The following SLC38A9 variants were observed in gnomAD, a reference collection of about 807,000 sequenced individuals.
The protein encoded by SLC38A9 is neutral amino acid transporter 9.
A neutral mutation model predicts 62.3 loss-of-function variants in SLC38A9; 48 were observed. The ratio of observed to expected loss-of-function variants is 0.77; its 90% CI spans 0.61 to 0.98. The LOEUF (loss-of-function observed/expected upper bound fraction) is 0.98. Ranked by LOEUF, SLC38A9 falls within the 50% of genes least tolerant of loss-of-function variation. SLC38A9 has a pLI of 0.00. For missense variants in SLC38A9, 541 were observed against 679.8 expected, an observed-to-expected ratio of 0.80 and a Z score of 2.27; for synonymous variants, 204 against 227.7, an observed-to-expected ratio of 0.90 and a Z score of 0.94.
intron 2 of SLC38A9, chr5:55,702,881 T>C (rs1756843320): frequency 6.6e-6 from 1 of 152,168 alleles, no homozygotes; most frequent in Admixed American, 6.5e-5. Flanking sequence ...AAAGCTCTCA[T>C]TAGCTTAGTC....
At chr5:55,692,463 C>A (rs1429923163) in intron 3 of SLC38A9, 1 of 199,722 alleles carries the variant, frequency 5.0e-6, no homozygotes, top group African/African-American at 2.4e-5. Flanking sequence ...ACAGAAATAA[C>A]AATGTTTGAA....
At chr5:55,635,407 C>G (rs1274022739) in intron 13 of SLC38A9, 137 bp downstream of exon 13, 1 of 708,992 alleles carries the variant, frequency 1.4e-6, no homozygotes, top group Admixed American at 2.1e-5. Context: ...CCTAAATTCC[C>G]ATACTTGGAG....
intron 2 of SLC38A9, among the ~76,000 whole-genome samples, chr5:55,706,053 T>C (rs11956514): frequency 0.65 from 98,795 of 151,930 alleles, 32,346 homozygotes; most frequent in South Asian, 0.73. Flanking sequence ...ATGAGTGAAA[T>C]TTCATGCCTG....
intron 12 of SLC38A9, among the ~76,000 whole-genome samples, chr5:55,637,633 G>A (rs73123884): frequency 0.049 from 7,447 of 152,178 alleles, 312 homozygotes; most frequent in African/African-American, 0.12. Flanking sequence ...CCAGGACCAC[G>A]CCTGGTACAT....
intron 9 of SLC38A9, among the ~76,000 whole-genome samples, chr5:55,653,378 T>C (rs1050702657): frequency 2.6e-5 from 4 of 152,144 alleles, no homozygotes; most frequent in South Asian, 2.1e-4. Context: ...TGGTCTTATT[T>C]ACACAATAAT....
chr5:55,629,253 C>T (rs760257538), intron 14 of SLC38A9, among the ~76,000 whole-genome samples: 20 of 151,946 alleles, frequency 1.3e-4, no homozygotes, highest in Non-Finnish European at 2.6e-4. Flanking sequence ...GCTCTGTCAT[C>T]CAGGCTGCAG....
intron 2 of SLC38A9, among the ~76,000 whole-genome samples, chr5:55,710,672 G>T (rs1200998819): frequency 1.3e-5 from 2 of 151,856 alleles, no homozygotes; most frequent in African/African-American, 2.4e-5. Context: ...CTGGAGTGCG[G>T]TGGCACGATC....
rs1758037688 is a variant in SLC38A9, at chr5:55,711,473, C to T, written c.-56G>A. 1 of 152,176 alleles carries T rather than the reference C, an allele frequency of 6.6e-6. No homozygotes were observed. Among genetic ancestry groups the T allele is most frequent in the African/African-American group, 2.4e-5 (1 of 41,392 alleles). The allele number at this position is 152,176 out of a possible 1,614,324, so 9.4% of individuals were successfully genotyped here. ...TTACCTGGTGTTGAGTAGGTTTCTC[C>T]AACTCGGTGGACCTCAGTTTCCTTC... On this transcript the variant is annotated 5_prime_UTR_variant, in exon 2 of 16. Coordinates refer to ENST00000396865, the MANE Select transcript of SLC38A9 (RefSeq NM_173514.4).
At chr5:55,644,295 T>C (rs1190489858) in intron 12 of SLC38A9, among the ~76,000 whole-genome samples, 3 of 152,190 alleles carry the variant, frequency 2.0e-5, no homozygotes, top group Non-Finnish European at 4.4e-5. Flanking sequence ...TCTTTTAATG[T>C]AATTATCAAT....
At chr5:55,651,127 A>G (rs1747341906) in intron 10 of SLC38A9, among the ~76,000 whole-genome samples, 1 of 151,868 alleles carries the variant, frequency 6.6e-6, no homozygotes, top group Non-Finnish European at 1.5e-5. Context: ...GCCAGAGATC[A>G]CATCCACAGG....
chr5:55,660,521 A>G (rs141893961), intron 8 of SLC38A9, among the ~76,000 whole-genome samples: 12 of 152,348 alleles, frequency 7.9e-5, no homozygotes, highest in East Asian at 1.9e-4. Context: ...GAAATGTTCT[A>G]TTTCTTGAAG....
intron 12 of SLC38A9, among the ~76,000 whole-genome samples, chr5:55,643,861 G>A (rs1459670463): frequency 6.6e-6 from 1 of 152,050 alleles, no homozygotes; most frequent in Non-Finnish European, 1.5e-5. Flanking sequence ...GCTTTCTTAT[G>A]TTTAATATTT....
intron 12 of SLC38A9, among the ~76,000 whole-genome samples, chr5:55,636,823 A>G (rs955280475): frequency 6.6e-6 from 1 of 152,150 alleles, no homozygotes; most frequent in Non-Finnish European, 1.5e-5. Flanking sequence ...AAGCCCATGG[A>G]GCTAAAGGCT....
At chr5:55,635,768 A>G in intron 12 of SLC38A9, 111 bp from the exon 13 acceptor site, 1 of 661,446 alleles carries the variant, frequency 1.5e-6, no homozygotes, top group South Asian at 1.9e-5. Flanking sequence ...TTTACCTTGT[A>G]CATGTGTGTA....
chr5:55,653,529 C>T (rs184228025), intron 9 of SLC38A9, among the ~76,000 whole-genome samples: 5 of 152,292 alleles, frequency 3.3e-5, no homozygotes, highest in African/African-American at 1.2e-4. Context: ...GCCATGATAT[C>T]ATAATCACTG....
At chr5:55,658,803 T>C (rs766121375) in intron 8 of SLC38A9, among the ~76,000 whole-genome samples, 4 of 152,180 alleles carry the variant, frequency 2.6e-5, no homozygotes, top group Non-Finnish European at 5.9e-5. Flanking sequence ...CCAATATTTG[T>C]TAGGAAAAGA....
chr5:55,696,412 C>A (rs1755695777), intron 3 of SLC38A9: 1 of 69,320 alleles, frequency 1.4e-5, no homozygotes, highest in Non-Finnish European at 3.5e-5. Flanking sequence ...CCCCACCTCC[C>A]TCCCGGACGG....
At chr5:55,646,132 T>C (rs143659206) in intron 11 of SLC38A9, among the ~76,000 whole-genome samples, 10 of 152,316 alleles carry the variant, frequency 6.6e-5, no homozygotes, top group African/African-American at 2.2e-4. Flanking sequence ...TCCTAACATT[T>C]TGGGAGGCCA....
intron 2 of SLC38A9, among the ~76,000 whole-genome samples, chr5:55,708,444 T>G (rs1401691983): frequency 6.6e-6 from 1 of 152,260 alleles, no homozygotes; most frequent in Non-Finnish European, 1.5e-5. Flanking sequence ...TGACTGTGAT[T>G]ATTGGCGTAT....
Sources: gnomAD v4.1 joint callset for allele counts (sites outside exome capture counted in the v4.1 genomes callset) on GRCh38, gnomAD v4.1.1 for gene constraint, MANE v1.5 for transcripts, NCBI Gene and HGNC (gene_info 2026-07-23, HGNC 2026-07-21) for gene names.